COL26A1: variants seen among roughly 807,000 people sequenced by gnomAD.
COL26A1 encodes collagen type XXVI alpha 1 chain.
In COL26A1, 41 loss-of-function variants were observed where a neutral mutation model predicts 59.3. That is an observed-to-expected ratio of 0.69 (90% CI 0.54 to 0.90). The LOEUF (loss-of-function observed/expected upper bound fraction) is 0.90, where lower values mean the gene tolerates loss of function less well. Among genes scored for constraint, COL26A1 ranks in the 40% least tolerant of loss-of-function variants. COL26A1 has a pLI of 0.00. For missense variants in COL26A1, 612 were observed against 602.3 expected, an observed-to-expected ratio of 1.02 and a Z score of -0.17; for synonymous variants, 266 against 256.0, an observed-to-expected ratio of 1.04 and a Z score of -0.37.
rs972796161 is a variant in COL26A1, at chr7:101,405,228, TA to T, written c.159-14736del. Reference sequence around the variant, plus strand: ...ACGGAACAGAGCGAGACTCCGTCTCTAAAAAAAAAAAAATTATACTTTATAA... The same window carrying T: ...ACGGAACAGAGCGAGACTCCGTCTCTAAAAAAAAAAAATTATACTTTATAA... On this transcript the variant is annotated intron_variant, in intron 1 of 12. Transcript: ENST00000313669. 4.8e-3 allele frequency among the ~76,000 whole-genome samples: 693 copies of T among 144,018 alleles called. 3 individuals carry two copies. Among genetic ancestry groups the T allele is most frequent in the Non-Finnish European group, 7.3e-3 (477 of 65,514 alleles). 94.5% of individuals were successfully genotyped at this position (144,018 alleles called of 152,430 possible). A position where few individuals can be genotyped will look rare whatever the true frequency, so the allele number is the denominator to read the frequency against.
At chr7:101,394,441 G>T (rs992462847) in intron 1 of COL26A1, among the ~76,000 whole-genome samples, 2 of 151,674 alleles carry the variant, frequency 1.3e-5, no homozygotes, top group Admixed American at 1.3e-4. Flanking sequence ...GGGTCTTGCT[G>T]TGTTGCCCAG....
At chr7:101,518,701 G>A (rs1042486212) in intron 3 of COL26A1, among the ~76,000 whole-genome samples, 1 of 152,170 alleles carries the variant, frequency 6.6e-6, no homozygotes, top group African/African-American at 2.4e-5. Flanking sequence ...CAATTGAATC[G>A]CTGAAACCGG....
At chr7:101,534,515 T>C (rs930991510) in intron 4 of COL26A1, among the ~76,000 whole-genome samples, 2 of 151,802 alleles carry the variant, frequency 1.3e-5, no homozygotes, top group Non-Finnish European at 2.9e-5. Flanking sequence ...GACACACACA[T>C]TTGCACATGT....
At chr7:101,407,173 T>C (rs1399054236) in intron 1 of COL26A1, among the ~76,000 whole-genome samples, 1 of 152,108 alleles carries the variant, frequency 6.6e-6, no homozygotes, top group Non-Finnish European at 1.5e-5. Flanking sequence ...GGTACCTCCT[T>C]ATCCTGAGTG....
intron 3 of COL26A1, among the ~76,000 whole-genome samples, chr7:101,475,900 C>G (rs1261136671): frequency 2.2e-5 from 3 of 136,984 alleles, no homozygotes; most frequent in African/African-American, 9.4e-5. Flanking sequence ...TTCTTTCTCT[C>G]TCTTTCTCTC....
intron 2 of COL26A1, among the ~76,000 whole-genome samples, chr7:101,423,053 T>G (rs1005810592): frequency 6.6e-6 from 1 of 151,912 alleles, no homozygotes; most frequent in Non-Finnish European, 1.5e-5. Context: ...TCACCTGAGG[T>G]CAGGAGTTTG....
chr7:101,414,363 C>T (rs886769388), intron 1 of COL26A1, among the ~76,000 whole-genome samples: 5 of 151,552 alleles, frequency 3.3e-5, no homozygotes, highest in Non-Finnish European at 1.5e-5. Context: ...CCACATTAAA[C>T]CATCCTGAGG....
intron 3 of COL26A1, 79 bp from the exon 4 acceptor site, chr7:101,532,998 TGCCCA>T: frequency 9.8e-7 from 1 of 1,019,048 alleles, no homozygotes; most frequent in Non-Finnish European, 1.5e-6. Context: ...CTTGCCTGCC[TGCCCA>T]GAGGCTATCC....
At chr7:101,543,944 A>C (rs979183704) in intron 5 of COL26A1, 54 bp from the exon 6 acceptor site, 2 of 1,337,622 alleles carry the variant, frequency 1.5e-6, no homozygotes, top group Non-Finnish European at 2.1e-6. Flanking sequence ...GCCTGGAGCC[A>C]CTGGAGGCTG....
intron 3 of COL26A1, among the ~76,000 whole-genome samples, chr7:101,451,052 AT>A (rs1793324984): frequency 6.9e-6 from 1 of 144,102 alleles, no homozygotes; most frequent in African/African-American, 2.5e-5. Flanking sequence ...ATTAATAATA[AT>A]TAATATATAT....
rs1491342922 is a variant in COL26A1 at position 101,488,349 on chromosome 7, A to AATTTATATAT, written c.385+40564_385+40565insTTATATATAT. ...TTTTAATCCGTTTTTAATTTTATTT[A>AATTTATATAT]ATATATATATATATATATATATATA... On this transcript the variant is annotated intron_variant, in intron 3 of 12. Coordinates refer to ENST00000313669, the MANE Select transcript of COL26A1 (RefSeq NM_001278563.3). Among the ~76,000 whole-genome samples, 378 of 104,942 alleles carry AATTTATATAT rather than the reference A, an allele frequency of 3.6e-3. 2 individuals carry two copies. The highest frequency in any genetic ancestry group is 0.015 in the African/African-American group (355 of 24,050). 68.8% of individuals were successfully genotyped at this position (104,942 alleles called of 152,430 possible).
intron 1 of COL26A1, among the ~76,000 whole-genome samples, chr7:101,403,481 T>G (rs1584377391): frequency 6.6e-6 from 1 of 151,876 alleles, no homozygotes. Flanking sequence ...ATTATGCTAC[T>G]GCACTCCAGC....
Position 101,494,485 on chromosome 7 carries a change from C to T in COL26A1, c.386-38597C>T, listed in dbSNP as rs142924195. 6.2e-3 allele frequency among the ~76,000 whole-genome samples: 938 copies of T among 152,274 alleles called. 7 individuals carry two copies. The highest frequency in any genetic ancestry group is 0.021 in the African/African-American group (865 of 41,556). Reference sequence around the variant, plus strand: ...TTCATAATAGGAAGAGATGCTAAATCGCAGTTTGGTGAAAGTAAAGGCGTA... The same window carrying T: ...TTCATAATAGGAAGAGATGCTAAATTGCAGTTTGGTGAAAGTAAAGGCGTA... On this transcript the variant is annotated intron_variant, in intron 3 of 12. Transcript: ENST00000313669.
At chr7:101,500,893 T>C (rs1346680919) in intron 3 of COL26A1, among the ~76,000 whole-genome samples, 1 of 150,778 alleles carries the variant, frequency 6.6e-6, no homozygotes, top group Non-Finnish European at 1.5e-5. Flanking sequence ...TTGTTAGAAA[T>C]GCTTAGGAAC....
intron 3 of COL26A1, among the ~76,000 whole-genome samples, chr7:101,465,299 C>G (rs148212611): frequency 0.025 from 3,825 of 152,190 alleles, 128 homozygotes; most frequent in African/African-American, 0.085. Context: ...CTCAGCTTCT[C>G]AAAGTGCTGG....
At chr7:101,488,845 GGTTA>G (rs1162911122) in intron 3 of COL26A1, among the ~76,000 whole-genome samples, 1 of 152,142 alleles carries the variant, frequency 6.6e-6, no homozygotes, top group African/African-American at 2.4e-5. Context: ...CACTCTTCCA[GGTTA>G]GTTGTACCTT....
chr7:101,547,833 A>T (rs62465108), intron 8 of COL26A1, among the ~76,000 whole-genome samples: 9 of 61,894 alleles, frequency 1.5e-4, no homozygotes, highest in African/African-American at 6.7e-4. Flanking sequence ...TCATTCGTTT[A>T]TTCATTCATT....
intron 4 of COL26A1, 51 bp downstream of exon 4, chr7:101,533,194 G>C: frequency 1.4e-6 from 2 of 1,390,368 alleles, no homozygotes; most frequent in Non-Finnish European, 2.0e-6. Flanking sequence ...GGGACCTTGG[G>C]TGGTGGAGGG....
At chr7:101,443,393 C>A (rs952988061) in intron 2 of COL26A1, among the ~76,000 whole-genome samples, 2 of 152,116 alleles carry the variant, frequency 1.3e-5, no homozygotes, top group East Asian at 3.8e-4. Context: ...AAGAAATGAG[C>A]GTAACAGGAT....
Sources: allele counts gnomAD v4.1 joint callset (sites outside exome capture counted in the v4.1 genomes callset), GRCh38; gene constraint gnomAD v4.1.1; transcripts MANE v1.5; gene names NCBI Gene and HGNC (gene_info 2026-07-23, HGNC 2026-07-21).